The following PPP1R14B variants were observed in gnomAD, a reference collection of about 807,000 sequenced individuals.
PPP1R14B encodes protein phosphatase 1 regulatory inhibitor subunit 14B, also known as protein phosphatase 1 regulatory subunit 14B.
PPP1R14B carries 4 observed loss-of-function variants against 14.7 expected under a neutral mutation model. That is an observed-to-expected ratio of 0.27 (90% CI 0.13 to 0.62). The LOEUF (loss-of-function observed/expected upper bound fraction) is 0.62. Ranked by LOEUF, PPP1R14B falls within the 20% of genes least tolerant of loss-of-function variation. PPP1R14B has a pLI of 0.85. For missense variants in PPP1R14B, 138 were observed against 201.5 expected, an observed-to-expected ratio of 0.68 and a Z score of 1.91; for synonymous variants, 76 against 87.3, an observed-to-expected ratio of 0.87 and a Z score of 0.72.
At position 64,246,789 on chromosome 11, in the gene PPP1R14B, G is replaced by C. The variant is rs1346208248; in HGVS notation, c.-116C>G. 2 of 924,522 alleles carry C rather than the reference G, an allele frequency of 2.2e-6. No individual in the cohort carries two copies. Among genetic ancestry groups the C allele is most frequent in the Non-Finnish European group, 2.6e-6 (2 of 776,886 alleles). The allele number at this position is 924,522 out of a possible 1,614,324, so 57.3% of individuals were successfully genotyped here. A position where few individuals can be genotyped will look rare whatever the true frequency, so the allele number is the denominator to read the frequency against. ...GCTCCGCTCCGCGCGGCTCCGCGGC[G>C]AGGGCGGCGGCGGGGGCGCCCGGGG... On this transcript the variant is annotated 5_prime_UTR_variant, in exon 1 of 4. Transcript: ENST00000309318.
At chr11:64,245,435 A>G (rs1053817817) in intron 1 of PPP1R14B, 148 bp from the exon 2 acceptor site, 1 of 646,758 alleles carries the variant, frequency 1.5e-6, no homozygotes, top group African/African-American at 1.9e-5. Flanking sequence ...TGGGGAGGAA[A>G]ACAGATCAGG....
chr11:64,244,867 G>A (rs1310268004), intron 3 of PPP1R14B, 45 bp from the exon 4 acceptor site: 2 of 1,613,034 alleles, frequency 1.2e-6, no homozygotes, highest in Non-Finnish European at 1.7e-6. Context: ...CAGACCCCAA[G>A]ATGACAGGAG....
rs949086345 is a variant in PPP1R14B, at chr11:64,244,625, C to T, written c.*129G>A. 1 of 1,475,082 alleles carries T rather than the reference C, an allele frequency of 6.8e-7. No individual in the cohort carries two copies. The highest frequency in any genetic ancestry group is 1.4e-5 in the African/African-American group (1 of 71,456). The allele number at this position is 1,475,082 out of a possible 1,614,324, so 91.4% of individuals were successfully genotyped here. A position where few individuals can be genotyped will look rare whatever the true frequency, so the allele number is the denominator to read the frequency against. On this transcript the variant is annotated 3_prime_UTR_variant, in exon 4 of 4. Transcript: ENST00000309318. ...GGGGGCAGGGGAAGAGACCCCTGGGCCAGGGGCACGAGGAGCCCTGCTCAT... is the reference window on the plus strand; with the variant it reads ...GGGGGCAGGGGAAGAGACCCCTGGGTCAGGGGCACGAGGAGCCCTGCTCAT...
At position 64,244,974 on chromosome 11, in the gene PPP1R14B, T is replaced by C. The variant is rs1312289318; in HGVS notation, c.343-12A>G. 6.2e-7 allele frequency: 1 copy of C among 1,609,316 alleles called. No individual in the cohort carries two copies. Among genetic ancestry groups the C allele is most frequent in the Non-Finnish European group, 8.5e-7 (1 of 1,176,998 alleles). ...TCAACCAGCAGCTCCTAGCAGAGGA[T>C]GGGGGAGGAAGGATAAGTGAGTCCT... On this transcript the variant is annotated splice_polypyrimidine_tract_variant and intron_variant, in intron 2 of 3. Transcript: ENST00000309318.
rs2030794829 is a variant in PPP1R14B at position 64,244,641 on chromosome 11, C to A, written c.*113G>T. ...ACCCCTGGGCCAGGGGCACGAGGAG[C>A]CCTGCTCATGGCACCAGGCCTGGCC... On this transcript the variant is annotated 3_prime_UTR_variant, in exon 4 of 4. Coordinates refer to ENST00000309318, the MANE Select transcript of PPP1R14B (RefSeq NM_138689.3). 10 of 1,517,830 alleles carry A rather than the reference C, an allele frequency of 6.6e-6. No homozygotes were observed. The Admixed American group carries it at 1.7e-4, about 26-fold the overall frequency. 94.0% of individuals were successfully genotyped at this position (1,517,830 alleles called of 1,614,324 possible). A position where few individuals can be genotyped will look rare whatever the true frequency, so the allele number is the denominator to read the frequency against.
At position 64,246,642 on chromosome 11, in the gene PPP1R14B, G is replaced by T. The variant is rs756650922; in HGVS notation, c.32C>A (p.Ala11Glu). The T allele has an allele frequency of 6.5e-5, 82 of 1,257,128 alleles. No homozygotes were observed. Among genetic ancestry groups the T allele is most frequent in the Non-Finnish European group, 8.0e-5 (80 of 996,164 alleles). The allele number at this position is 1,257,128 out of a possible 1,614,324, so 77.9% of individuals were successfully genotyped here. A position where few individuals can be genotyped will look rare whatever the true frequency, so the allele number is the denominator to read the frequency against. MADSGTAGGA[A>E]LAAPAPGPGS... ...CGGCCCGGGGGCCGGGGCCGCCAAC[G>T]CCGCGCCCCCCGCGGTGCCGCTGTC... is the stretch of plus-strand genomic sequence containing the variant. Residue 11 changes from alanine (A) to glutamate (E), a missense_variant, in exon 1 of 4, where the codon GCG becomes GAG. Around this residue, in one of 3 missense-constraint regions of PPP1R14B, gnomAD observed 22 missense variants for 45.9 expected, o/e 0.48. Transcript: ENST00000309318.
At chr11:64,246,050 G>A in intron 1 of PPP1R14B, 1 of 242,468 alleles carries the variant, frequency 4.1e-6, no homozygotes, top group African/African-American at 2.3e-5. Context: ...TACCAGACCA[G>A]CACCTTGTAA....
In PPP1R14B at chr11:64,244,678, C is replaced by G; in HGVS notation, c.*76G>C. 1.9e-6 allele frequency: 3 copies of G among 1,596,276 alleles called. No individual in the cohort carries two copies. The highest frequency in any genetic ancestry group is 8.6e-7 in the Non-Finnish European group (1 of 1,166,958). On this transcript the variant is annotated 3_prime_UTR_variant, in exon 4 of 4. Transcript: ENST00000309318. ...CACCAGGCCTGGCCGCAGGGTCCCC[C>G]GGTATTGCTGTTGCTACGAGGTTGG...
At position 64,244,976 on chromosome 11, in the gene PPP1R14B, G is replaced by A. The variant is rs1365728371; in HGVS notation, c.343-14C>T. 3 of 1,608,818 alleles carry A rather than the reference G, an allele frequency of 1.9e-6. No individual in the cohort carries two copies. Among genetic ancestry groups the A allele is most frequent in the East Asian group, 4.5e-5 (2 of 44,766 alleles). Reference sequence around the variant, plus strand: ...AACCAGCAGCTCCTAGCAGAGGATGGGGGAGGAAGGATAAGTGAGTCCTCA... The same window carrying A: ...AACCAGCAGCTCCTAGCAGAGGATGAGGGAGGAAGGATAAGTGAGTCCTCA... On this transcript the variant is annotated splice_polypyrimidine_tract_variant and intron_variant, in intron 2 of 3. Transcript: ENST00000309318.
Position 64,245,049 on chromosome 11 carries a change from G to T in PPP1R14B, c.343-87C>A, listed in dbSNP as rs79599120. 13,097 of 1,476,586 alleles carry T rather than the reference G, an allele frequency of 8.9e-3. 122 individuals carry two copies. Among genetic ancestry groups the T allele is most frequent in the Middle Eastern group, 0.075 (390 of 5,234 alleles). 91.5% of individuals were successfully genotyped at this position (1,476,586 alleles called of 1,614,324 possible). On this transcript the variant is annotated intron_variant, in intron 2 of 3. Transcript: ENST00000309318. ...CTATACCCACTTCCAAGAGACTGGG[G>T]CCACCCTGAGGCACAGGAGATGCCA...
chr11:64,244,481 A>G lies in PPP1R14B; in HGVS notation c.*273T>C. 2 of 941,480 alleles carry G rather than the reference A, an allele frequency of 2.1e-6. No individual in the cohort carries two copies. Among genetic ancestry groups the G allele is most frequent in the South Asian group, 1.9e-5 (1 of 51,956 alleles). 58.3% of individuals were successfully genotyped at this position (941,480 alleles called of 1,614,324 possible). On this transcript the variant is annotated 3_prime_UTR_variant, in exon 4 of 4. Coordinates refer to ENST00000309318, the MANE Select transcript of PPP1R14B (RefSeq NM_138689.3). ...CTAAAAGAGACCAGCCGAGCCTGTT[A>G]GCTGCACCAAAGGCGTATCCTAGCT...
chr11:64,246,644 C>T lies in PPP1R14B; in HGVS notation c.30G>A (p.Ala10=). 8.0e-7 allele frequency: 1 copy of T among 1,246,118 alleles called. No homozygotes were observed. Among genetic ancestry groups the T allele is most frequent in the Non-Finnish European group, 1.0e-6 (1 of 989,864 alleles). 77.2% of individuals were successfully genotyped at this position (1,246,118 alleles called of 1,614,324 possible). A position where few individuals can be genotyped will look rare whatever the true frequency, so the allele number is the denominator to read the frequency against. MADSGTAGG[A]ALAAPAPGPG... is the part of the protein sequence containing the mutation. Reference sequence around the variant, plus strand: ...GCCCGGGGGCCGGGGCCGCCAACGCCGCGCCCCCCGCGGTGCCGCTGTCCG... The same window carrying T: ...GCCCGGGGGCCGGGGCCGCCAACGCTGCGCCCCCCGCGGTGCCGCTGTCCG... The change falls in exon 1 of 4, where the codon GCG becomes GCA. Residue 10 remains alanine, a synonymous_variant. Transcript: ENST00000309318.
At chr11:64,245,075 C>T in intron 2 of PPP1R14B, 113 bp from the exon 3 acceptor site, 2 of 1,456,736 alleles carry the variant, frequency 1.4e-6, no homozygotes, top group South Asian at 1.3e-5. Flanking sequence ...GGAGATGCCA[C>T]AACAACCTCA....
At position 64,246,583 on chromosome 11, in the gene PPP1R14B, G is replaced by C; in HGVS notation, c.91C>G (p.Gln31Glu). 1 of 1,598,866 alleles carries C rather than the reference G, an allele frequency of 6.3e-7. No homozygotes were observed. Among genetic ancestry groups the C allele is most frequent in the Non-Finnish European group, 8.5e-7 (1 of 1,174,486 alleles). The change falls in exon 1 of 4, where the codon CAG becomes GAG. Residue 31 changes from glutamine (Q) to glutamate (E), a missense_variant. Physicochemically the swap from Gln to Glu is conservative, Grantham distance 29 (BLOSUM62 2). Coordinates refer to ENST00000309318, the MANE Select transcript of PPP1R14B (RefSeq NM_138689.3). ...SGGPGPRVYF[Q>E]SPPGAAGEGP... ...TCTCCTGCGGCCCCGGGGGGGCTCTGAAAGTAGACGCGTGGTCCTGGGCCG... is the reference window on the plus strand; with the variant it reads ...TCTCCTGCGGCCCCGGGGGGGCTCTCAAAGTAGACGCGTGGTCCTGGGCCG...
At chr11:64,245,157 T>TC (rs1565323301) in intron 2 of PPP1R14B, 47 bp downstream of exon 2, 2 of 1,592,290 alleles carry the variant, frequency 1.3e-6, no homozygotes, top group African/African-American at 2.7e-5. Flanking sequence ...AGCCTCACTT[T>TC]CCCGGGGCAG....
At chr11:64,245,620 T>C (rs1481855732) in intron 1 of PPP1R14B, 5 of 296,236 alleles carry the variant, frequency 1.7e-5, no homozygotes, top group African/African-American at 1.1e-4. Context: ...AGAGCACCGG[T>C]GGGTGCAGCT....
chr11:64,245,593 G>A (rs903212804), intron 1 of PPP1R14B: 5 of 376,644 alleles, frequency 1.3e-5, no homozygotes, highest in African/African-American at 6.4e-5. Context: ...CCCAACATCC[G>A]GGCCCCCCAT....
chr11:64,246,260 AAG>A (rs2030873945), intron 1 of PPP1R14B, 154 bp downstream of exon 1: 2 of 1,009,048 alleles, frequency 2.0e-6, no homozygotes, highest in African/African-American at 1.6e-5. Flanking sequence ...TCAGGCAAGA[AAG>A]AGTATATATT....
intron 3 of PPP1R14B, 36 bp downstream of exon 3, chr11:64,244,894 C>T: frequency 6.2e-7 from 1 of 1,611,608 alleles, no homozygotes. Context: ...TCCCCTCACC[C>T]TGCCACCCCC....
Sources: allele counts gnomAD v4.1 joint callset, GRCh38; gene constraint gnomAD v4.1.1; regional missense constraint gnomAD v4.1.1; transcripts MANE v1.5; gene names NCBI Gene and HGNC (gene_info 2026-07-23, HGNC 2026-07-21).